SLC25A25: variants seen among roughly 807,000 people sequenced by gnomAD.
SLC25A25 encodes the protein mitochondrial adenyl nucleotide antiporter SLC25A25.
Under a neutral mutation model 57.7 loss-of-function variants are expected in SLC25A25, and 32 were observed. That is an observed-to-expected ratio of 0.55 (90% CI 0.42 to 0.74). The LOEUF (loss-of-function observed/expected upper bound fraction) is 0.74, where lower values mean the gene tolerates loss of function less well. Among genes scored for constraint, SLC25A25 ranks in the 30% least tolerant of loss-of-function variants. SLC25A25 has a pLI of 0.00. For synonymous variants in SLC25A25, 306 were observed against 291.2 expected (o/e 1.05, Z -0.52); for missense variants, 556 against 701.3 (o/e 0.79, Z 2.34).
At chr9:128,085,765 A>G (rs1480170103) in intron 1 of SLC25A25, among the ~76,000 whole-genome samples, 3 of 152,036 alleles carry the variant, frequency 2.0e-5, no homozygotes, top group African/African-American at 7.3e-5. Context: ...GTGCTTTCTC[A>G]CCATTCAAAA....
chr9:128,103,016 G>A lies in SLC25A25; in HGVS notation c.624+535G>A, dbSNP rs1472831466. On this transcript the variant is annotated intron_variant, in intron 5 of 10. Transcript: ENST00000373069. The surrounding 1 kb of genome is among the most constrained non-coding windows in gnomAD (Gnocchi z 6.7). ...GGCGTGTCCCTCTCTGAGTCCTGGTGTGCAGTCCTGTCCCTCTGGACCATC... is the reference window on the plus strand; with the variant it reads ...GGCGTGTCCCTCTCTGAGTCCTGGTATGCAGTCCTGTCCCTCTGGACCATC... Among the ~76,000 whole-genome samples, 2 of 152,204 alleles carry A rather than the reference G, an allele frequency of 1.3e-5. No individual in the cohort carries two copies. Among genetic ancestry groups the A allele is most frequent in the Admixed American group, 1.3e-4 (2 of 15,284 alleles).
At chr9:128,070,969 A>G (rs10987859) in intron 1 of SLC25A25, among the ~76,000 whole-genome samples, 18,409 of 130,948 alleles carry the variant, frequency 0.14, 1,949 homozygotes, top group East Asian at 0.37. Context: ...AAAAAAAAAA[A>G]AAAAGAAAGA....
chr9:128,097,892 C>T (rs1180852375), intron 1 of SLC25A25, among the ~76,000 whole-genome samples: 3 of 152,200 alleles, frequency 2.0e-5, no homozygotes, highest in Non-Finnish European at 4.4e-5. Flanking sequence ...TGCAGGTTCC[C>T]TGGAGCAGGA....
At chr9:128,096,835 A>G (rs1833572962) in intron 1 of SLC25A25, among the ~76,000 whole-genome samples, 1 of 152,214 alleles carries the variant, frequency 6.6e-6, no homozygotes, top group Admixed American at 6.5e-5. Flanking sequence ...GCAGCTTAAG[A>G]GATAGCTGAG....
chr9:128,107,991 C>G lies in SLC25A25; in HGVS notation c.*547C>G, dbSNP rs1304691792. The G allele has an allele frequency of 2.5e-6, 1 of 398,872 alleles. No individual in the cohort carries two copies. The highest frequency in any genetic ancestry group is 4.4e-6 in the Non-Finnish European group (1 of 226,220). The allele number at this position is 398,872 out of a possible 1,614,324, so 24.7% of individuals were successfully genotyped here. A position where few individuals can be genotyped will look rare whatever the true frequency, so the allele number is the denominator to read the frequency against. The stretch of plus-strand genomic sequence containing the variant: ...CTGACTTCCCAACCTACAGCATTGA[C>G]GCCAACTTGGCTGTGAAGGAAGAGG... On this transcript the variant is annotated 3_prime_UTR_variant, in exon 11 of 11. Transcript: ENST00000373069.
rs982615903 is a variant in SLC25A25, at chr9:128,107,895, A to G, written c.*451A>G. 10 of 400,590 alleles carry G rather than the reference A, an allele frequency of 2.5e-5. No homozygotes were observed. Among genetic ancestry groups the G allele is most frequent in the Non-Finnish European group, 4.4e-5 (10 of 227,562 alleles). 24.8% of individuals were successfully genotyped at this position (400,590 alleles called of 1,614,324 possible). ...TGAGGTAAGGTGGGAGGAGGGCTAC[A>G]GCCCACATCCCACCCCCTCGTCCAA... On this transcript the variant is annotated 3_prime_UTR_variant, in exon 11 of 11. Coordinates refer to ENST00000373069, the MANE Select transcript of SLC25A25 (RefSeq NM_001330988.2).
intron 1 of SLC25A25, among the ~76,000 whole-genome samples, chr9:128,085,884 T>C (rs1418456657): frequency 6.6e-6 from 1 of 152,158 alleles, no homozygotes; most frequent in African/African-American, 2.4e-5. Flanking sequence ...ATCTTTTTTT[T>C]CTTAAGAGAC....
intron 1 of SLC25A25, among the ~76,000 whole-genome samples, chr9:128,090,815 C>A (rs1044081036): frequency 2.0e-5 from 3 of 152,172 alleles, no homozygotes; most frequent in African/African-American, 4.8e-5. Flanking sequence ...CCATCTCAAT[C>A]AATCAATCAA....
rs554110236 is a variant in SLC25A25, at chr9:128,101,827, C to T, written c.477-253C>T. Among the ~76,000 whole-genome samples the T allele has an allele frequency of 1.3e-5, 2 of 152,294 alleles. No individual in the cohort carries two copies. Among genetic ancestry groups the T allele is most frequent in the African/African-American group, 2.4e-5 (1 of 41,560 alleles). ...CAAAAGATAGCTCCCTGGTGCGGGG[C>T]GGCTGCCAGGAAATCTCATGGAACA... is the stretch of plus-strand genomic sequence containing the variant. On this transcript the variant is annotated intron_variant, in intron 3 of 10. Coordinates refer to ENST00000373069, the MANE Select transcript of SLC25A25 (RefSeq NM_001330988.2). This position sits in a 1 kb window ranked among gnomAD's most constrained non-coding sequence, Gnocchi z 4.9.
chr9:128,084,845 C>A (rs916186594), intron 1 of SLC25A25, among the ~76,000 whole-genome samples: 1 of 152,172 alleles, frequency 6.6e-6, no homozygotes, highest in Non-Finnish European at 1.5e-5. Context: ...GTGGTTATTT[C>A]TGCAGGTATT....
At chr9:128,069,837 C>T (rs1259326833) in intron 1 of SLC25A25, among the ~76,000 whole-genome samples, 5 of 149,750 alleles carry the variant, frequency 3.3e-5, no homozygotes, top group African/African-American at 5.1e-5. Context: ...CTGCAGCCTC[C>T]GCCTCCTGGG....
In SLC25A25 at chr9:128,101,548, C is replaced by G; in HGVS notation, c.476+152C>G. The stretch of plus-strand genomic sequence containing the variant: ...TAAGTAACCCCTGTGGGAGGCCAGC[C>G]CCTCCCCAGGGTTGCAGGCCTGCTT... On this transcript the variant is annotated intron_variant, in intron 3 of 10. Transcript: ENST00000373069. This position sits in a 1 kb window ranked among gnomAD's most constrained non-coding sequence, Gnocchi z 4.9. The G allele has an allele frequency of 1.2e-6, 1 of 805,508 alleles. No homozygotes were observed. The highest frequency in any genetic ancestry group is 1.9e-6 in the Non-Finnish European group (1 of 513,664). 49.9% of individuals were successfully genotyped at this position (805,508 alleles called of 1,614,324 possible).
intron 1 of SLC25A25, among the ~76,000 whole-genome samples, chr9:128,090,372 C>T (rs969351195): frequency 1.1e-4 from 17 of 151,942 alleles, no homozygotes; most frequent in African/African-American, 4.1e-4. Flanking sequence ...GCCACCATGC[C>T]CGGCTAATTT....
At chr9:128,091,761 G>A in intron 1 of SLC25A25, 1 of 1,481,010 alleles carries the variant, frequency 6.8e-7, no homozygotes, top group Non-Finnish European at 8.9e-7. Flanking sequence ...TCCAGCCTGA[G>A]AACCCCAGGC....
chr9:128,099,475 G>C lies in SLC25A25; in HGVS notation c.262-1621G>C. ...CCTGGCAGCAGGCGGCTGGGTCCCA[G>C]AGGGCTCCATGCCTGATGTTCGCCT... is the stretch of plus-strand genomic sequence containing the variant. On this transcript the variant is annotated intron_variant, in intron 1 of 10. Transcript: ENST00000373069. This position sits in a 1 kb window ranked among gnomAD's most constrained non-coding sequence, Gnocchi z 6.8. 6.7e-6 allele frequency: 7 copies of C among 1,050,478 alleles called. No homozygotes were observed. The highest frequency in any genetic ancestry group is 7.2e-6 in the Non-Finnish European group (6 of 836,598). 65.1% of individuals were successfully genotyped at this position (1,050,478 alleles called of 1,614,324 possible).
chr9:128,078,402 A>G lies in SLC25A25; in HGVS notation c.261+9822A>G, dbSNP rs1332215462. On this transcript the variant is annotated intron_variant, in intron 1 of 10. Coordinates refer to ENST00000373069, the MANE Select transcript of SLC25A25 (RefSeq NM_001330988.2). ...ATTAAAGGGTGTGTGGCACCCAGGGAGACATAGCCCCACCCCAGCAACCTG... is the reference window on the plus strand; with the variant it reads ...ATTAAAGGGTGTGTGGCACCCAGGGGGACATAGCCCCACCCCAGCAACCTG... 3.4e-4 allele frequency among the ~76,000 whole-genome samples: 6 copies of G among 17,674 alleles called. No homozygotes were observed. The Admixed American group carries it at 5.0e-3, about 15-fold the overall frequency. 11.6% of individuals were successfully genotyped at this position (17,674 alleles called of 152,430 possible).
At chr9:128,086,614 T>C (rs1201957910) in intron 1 of SLC25A25, among the ~76,000 whole-genome samples, 1 of 151,912 alleles carries the variant, frequency 6.6e-6, no homozygotes, top group Admixed American at 6.6e-5. Flanking sequence ...ATTACAGGCG[T>C]GAGCCACTGT....
intron 1 of SLC25A25, among the ~76,000 whole-genome samples, chr9:128,088,336 C>A (rs1212605435): frequency 6.6e-6 from 1 of 152,174 alleles, no homozygotes. Context: ...TGGGATGGTT[C>A]TTTCCCCATG....
chr9:128,101,319 C>T lies in SLC25A25; in HGVS notation c.399C>T (p.Asp133=), dbSNP rs747143850. The T allele has an allele frequency of 7.4e-6, 12 of 1,614,144 alleles. No homozygotes were observed. The East Asian group carries it at 1.1e-4, about 15-fold the overall frequency. ...CCTCTGTTCTTGCAGGACGCATTGA[C>T]GCGCAGGAGATCATGCAGTCCCTGC... ...SLDKKNDGRI[D]AQEIMQSLRD... is the part of the protein sequence containing the mutation. The change falls in exon 3 of 11, where the codon GAC becomes GAT. Residue 133 remains aspartate (D), a synonymous_variant. Transcript: ENST00000373069. The surrounding 1 kb of genome is among the most constrained non-coding windows in gnomAD (Gnocchi z 4.9).
Sources: allele counts gnomAD v4.1 joint callset (sites outside exome capture counted in the v4.1 genomes callset), GRCh38; gene constraint gnomAD v4.1.1; non-coding constraint Gnocchi (gnomAD v3.1); transcripts MANE v1.5; gene names NCBI Gene and HGNC (gene_info 2026-07-23, HGNC 2026-07-21).